PRKCH: variants seen among roughly 807,000 people sequenced by gnomAD.
PRKCH encodes protein kinase C eta.
A neutral mutation model predicts 82.5 loss-of-function variants in PRKCH; 28 were observed. That is an observed-to-expected ratio of 0.34 (90% confidence interval 0.25 to 0.47). PRKCH has a LOEUF of 0.47. PRKCH is among the 20% of genes least tolerant of loss of function. The pLI is 1.00. For synonymous variants in PRKCH, 322 were observed against 327.4 expected (o/e 0.98, Z 0.18); for missense variants, 705 against 881.8 (o/e 0.80, Z 2.54).
At chr14:61,533,987 A>T (rs1485063799) in intron 12 of PRKCH, among the ~76,000 whole-genome samples, 1 of 152,214 alleles carries the variant, frequency 6.6e-6, no homozygotes, top group African/African-American at 2.4e-5. Flanking sequence ...TACCAGAAGA[A>T]AACTTAGAGA....
chr14:61,369,807 T>C (rs1019704865), intron 1 of PRKCH, among the ~76,000 whole-genome samples: 3 of 152,020 alleles, frequency 2.0e-5, no homozygotes, highest in African/African-American at 7.3e-5. Context: ...AAAGAAAAAA[T>C]TGGGAAGAAA....
chr14:61,484,764 C>CGTTTTTTTTTTTTTT (rs1555392076), intron 9 of PRKCH, among the ~76,000 whole-genome samples: 1 of 121,206 alleles, frequency 8.3e-6, no homozygotes, highest in African/African-American at 3.2e-5. Flanking sequence ...ATTTGGCTTC[C>CGTTTTTTTTTTTTTT]TTTTTTTTTT....
chr14:61,529,852 A>C (rs888085024), intron 11 of PRKCH, among the ~76,000 whole-genome samples: 1 of 151,450 alleles, frequency 6.6e-6, no homozygotes, highest in Non-Finnish European at 1.5e-5. Flanking sequence ...ACATGTATAC[A>C]TATGTAACTA....
chr14:61,244,246 AC>A, intron 1 of PRKCH, among the ~76,000 whole-genome samples: 2 of 152,250 alleles, frequency 1.3e-5, no homozygotes, highest in South Asian at 4.1e-4. Flanking sequence ...AGCTGAACAA[AC>A]GACAAGAGCT....
At chr14:61,522,236 A>G (rs141127128) in intron 10 of PRKCH, among the ~76,000 whole-genome samples, 24 of 152,200 alleles carry the variant, frequency 1.6e-4, no homozygotes, top group South Asian at 4.2e-4. Flanking sequence ...ATACCAGGCC[A>G]CCATCATTTA....
At chr14:61,428,246 G>C (rs1260853075) in intron 2 of PRKCH, among the ~76,000 whole-genome samples, 4 of 151,942 alleles carry the variant, frequency 2.6e-5, no homozygotes, top group Admixed American at 6.6e-5. Context: ...CAGTCTACCT[G>C]CCTCACCCTC....
At chr14:61,239,326 AACAAG>A (rs987124016) in intron 1 of PRKCH, among the ~76,000 whole-genome samples, 7 of 152,190 alleles carry the variant, frequency 4.6e-5, no homozygotes, top group African/African-American at 1.7e-4. Context: ...CGGGCCAACA[AACAAG>A]ACAAGGTGGT....
At chr14:61,368,273 C>G (rs572837002) in intron 1 of PRKCH, among the ~76,000 whole-genome samples, 16 of 151,978 alleles carry the variant, frequency 1.1e-4, no homozygotes, top group African/African-American at 3.9e-4. Context: ...TACCCTTCAC[C>G]TCTTCTCTGG....
Position 61,410,434 on chromosome 14 carries a change from C to T in PRKCH, c.427+19146C>T, listed in dbSNP as rs148303550. 5.2e-3 allele frequency among the ~76,000 whole-genome samples: 786 copies of T among 152,150 alleles called. 5 individuals are homozygous for T. Among genetic ancestry groups the T allele is most frequent in the African/African-American group, 0.018 (740 of 41,488 alleles). On this transcript the variant is annotated intron_variant, in intron 2 of 13. Transcript: ENST00000332981. ...GCCTGCCTGTAGGGTAATATAAATCCGTTGGGCTGTTGCTAGGCTCAGCTG... is the reference window on the plus strand; with the variant it reads ...GCCTGCCTGTAGGGTAATATAAATCTGTTGGGCTGTTGCTAGGCTCAGCTG...
At chr14:61,260,476 G>A (rs1438683784) in intron 1 of PRKCH, among the ~76,000 whole-genome samples, 1 of 152,100 alleles carries the variant, frequency 6.6e-6, no homozygotes, top group Non-Finnish European at 1.5e-5. Flanking sequence ...ACTATCATAT[G>A]TTTATTGGAA....
At chr14:61,337,318 A>C (rs1296906288) in intron 1 of PRKCH, among the ~76,000 whole-genome samples, 1 of 151,942 alleles carries the variant, frequency 6.6e-6, no homozygotes, top group Non-Finnish European at 1.5e-5. Context: ...TAATTTTTTA[A>C]TGTAGAGACA....
At chr14:61,378,343 G>A (rs1386619572) in intron 1 of PRKCH, among the ~76,000 whole-genome samples, 3 of 151,686 alleles carry the variant, frequency 2.0e-5, no homozygotes, top group Admixed American at 1.3e-4. Context: ...CTCCCAAGTA[G>A]CTGGGATTAC....
intron 10 of PRKCH, among the ~76,000 whole-genome samples, chr14:61,491,631 G>A (rs1886452448): frequency 6.6e-6 from 1 of 152,186 alleles, no homozygotes; most frequent in Non-Finnish European, 1.5e-5. Flanking sequence ...AGGATATGAT[G>A]GAGAGCTCAG....
chr14:61,276,780 A>G (rs546370934), intron 1 of PRKCH, among the ~76,000 whole-genome samples: 2 of 152,324 alleles, frequency 1.3e-5, no homozygotes, highest in African/African-American at 2.4e-5. Flanking sequence ...CTCCTATGAC[A>G]GGAAGACGGC....
intron 10 of PRKCH, among the ~76,000 whole-genome samples, chr14:61,510,596 T>C (rs1350227038): frequency 6.6e-6 from 1 of 152,132 alleles, no homozygotes. Context: ...GAAACACTTC[T>C]GGTAGTTTTG....
chr14:61,443,043 TTTCTC>T, intron 2 of PRKCH, 63 bp from the exon 3 acceptor site: 2 of 1,458,046 alleles, frequency 1.4e-6, no homozygotes, highest in Non-Finnish European at 1.9e-6. Flanking sequence ...ACTATCAAAC[TTTCTC>T]ATCTATTAGG....
At position 61,389,349 on chromosome 14, in the gene PRKCH, T is replaced by TAA. The variant is rs111701252; in HGVS notation, c.364-1863_364-1862dup. Among the ~76,000 whole-genome samples the TAA allele has an allele frequency of 8.4e-4, 121 of 144,608 alleles. 2 individuals carry two copies. In the South Asian group the frequency reaches 8.6e-3, roughly 10 times the overall value. The allele number at this position is 144,608 out of a possible 152,430, so 94.9% of individuals were successfully genotyped here. ...TGGGTGACAGAGGGAGACTCTGTCTTAAAAAAAAAAAAAATCTTTGAGATC... is the reference window on the plus strand; with the variant it reads ...TGGGTGACAGAGGGAGACTCTGTCTTAAAAAAAAAAAAAAAATCTTTGAGATC... On this transcript the variant is annotated intron_variant, in intron 1 of 13. Coordinates refer to ENST00000332981, the MANE Select transcript of PRKCH (RefSeq NM_006255.5).
chr14:61,484,823 C>T (rs766288678), intron 9 of PRKCH, among the ~76,000 whole-genome samples: 32 of 141,842 alleles, frequency 2.3e-4, no homozygotes, highest in Non-Finnish European at 3.6e-4. Flanking sequence ...GGTGGGAGTG[C>T]CGTGGCACAA....
chr14:61,426,532 T>C (rs1883117983), intron 2 of PRKCH, among the ~76,000 whole-genome samples: 1 of 152,222 alleles, frequency 6.6e-6, no homozygotes, highest in South Asian at 2.1e-4. Context: ...TTAATAATGC[T>C]TTGATCTAGG....
Sources: gnomAD v4.1 joint callset for allele counts (sites outside exome capture counted in the v4.1 genomes callset) on GRCh38, gnomAD v4.1.1 for gene constraint, MANE v1.5 for transcripts, NCBI Gene and HGNC (gene_info 2026-07-23, HGNC 2026-07-21) for gene names.